The following ERO1A variants were observed in gnomAD, a reference collection of about 807,000 sequenced individuals.
ERO1A encodes endoplasmic reticulum oxidoreductase 1 alpha.
In ERO1A, 49 loss-of-function variants were observed where a neutral mutation model predicts 76.9. The ratio of observed to expected loss-of-function variants is 0.64; its 90% CI spans 0.51 to 0.81. The LOEUF is 0.81. Among genes scored for constraint, ERO1A ranks in the 30% least tolerant of loss-of-function variants. The pLI, the probability that ERO1A is intolerant of heterozygous loss-of-function variation, is 0.00. For missense variants in ERO1A, 448 were observed against 542.1 expected, an observed-to-expected ratio of 0.83 and a Z score of 1.72; for synonymous variants, 174 against 181.2, an observed-to-expected ratio of 0.96 and a Z score of 0.32.
chr14:52,677,064 T>C (rs1272186084), intron 4 of ERO1A, among the ~76,000 whole-genome samples: 1 of 152,172 alleles, frequency 6.6e-6, no homozygotes, highest in Admixed American at 6.6e-5. Context: ...ATTTACTTCT[T>C]GTTGCTTTAT....
intron 1 of ERO1A, among the ~76,000 whole-genome samples, chr14:52,690,871 A>C (rs1028490606): frequency 2.0e-5 from 3 of 152,072 alleles, no homozygotes; most frequent in Non-Finnish European, 4.4e-5. Flanking sequence ...GGATTCAAGC[A>C]ATTCTCCTGC....
At chr14:52,655,157 G>A (rs1052608206) in intron 11 of ERO1A, among the ~76,000 whole-genome samples, 1 of 152,056 alleles carries the variant, frequency 6.6e-6, no homozygotes, top group Non-Finnish European at 1.5e-5. Context: ...ACGAGGTCAG[G>A]AGTTTGAGAC....
Position 52,647,599 on chromosome 14 carries a change from G to T in ERO1A, c.1126-1138C>A, listed in dbSNP as rs958107039. On this transcript the variant is annotated intron_variant, in intron 13 of 15. Transcript: ENST00000395686. ...CATATGTATACATCCATGAACCCTAGAATATTATATCATTTATAATAGGGC... is the reference window on the plus strand; with the variant it reads ...CATATGTATACATCCATGAACCCTATAATATTATATCATTTATAATAGGGC... Among the ~76,000 whole-genome samples the T allele has an allele frequency of 6.9e-4, 105 of 151,824 alleles. 1 individual carries two copies. Among genetic ancestry groups the T allele is most frequent in the African/African-American group, 2.4e-3 (98 of 41,348 alleles).
chr14:52,640,184 TAAAAC>T lies in ERO1A; in HGVS notation c.*3381_*3385del, dbSNP rs924069083. On this transcript the variant is annotated 3_prime_UTR_variant, in exon 16 of 16. Coordinates refer to ENST00000395686, the MANE Select transcript of ERO1A (RefSeq NM_014584.3). ...CATTCTAGTAAAGACTTTTGAAAAA[TAAAAC>T]AATACAGTACGATTTAAGTGACATA... The T allele has an allele frequency of 1.3e-5, 2 of 152,122 alleles. No homozygotes were observed. The highest frequency in any genetic ancestry group is 2.9e-5 in the Non-Finnish European group (2 of 68,024). 9.4% of individuals were successfully genotyped at this position (152,122 alleles called of 1,614,324 possible).
intron 4 of ERO1A, among the ~76,000 whole-genome samples, chr14:52,675,426 G>A (rs1261754250): frequency 6.6e-6 from 1 of 151,266 alleles, no homozygotes; most frequent in Non-Finnish European, 1.5e-5. Flanking sequence ...ACGGGTATAA[G>A]AATGTTCAAG....
rs554271086 is a variant in ERO1A at position 52,691,204 on chromosome 14, CAT to C, written c.114+4162_114+4163del. On this transcript the variant is annotated intron_variant, in intron 1 of 15. Coordinates refer to ENST00000395686, the MANE Select transcript of ERO1A (RefSeq NM_014584.3). ...GTGTTTTATCACCATAAAAAAATAA[CAT>C]AAAAAGTACTCATCTGTTGACAGAA... Among the ~76,000 whole-genome samples the C allele has an allele frequency of 5.8e-4, 89 of 152,196 alleles. 1 individual carries two copies. The highest frequency in any genetic ancestry group is 1.0e-3 in the Non-Finnish European group (68 of 67,986).
intron 9 of ERO1A, chr14:52,658,474 C>T (rs1345614276): frequency 4.7e-6 from 1 of 212,538 alleles, no homozygotes; most frequent in African/African-American, 2.3e-5. Context: ...GGGAAAATAC[C>T]TAGCCTTGAT....
chr14:52,657,731 G>A (rs959207583), intron 11 of ERO1A, among the ~76,000 whole-genome samples, 186 bp downstream of exon 11: 2 of 152,206 alleles, frequency 1.3e-5, no homozygotes, highest in Non-Finnish European at 2.9e-5. Context: ...AGAGAGCTAA[G>A]AGTATGTTAA....
At chr14:52,644,133 C>G (rs2139612738) in intron 15 of ERO1A, among the ~76,000 whole-genome samples, 1 of 152,086 alleles carries the variant, frequency 6.6e-6, no homozygotes, top group East Asian at 1.9e-4. Context: ...TAGCCAGATC[C>G]TATCTCTAAA....
At chr14:52,658,175 A>G in intron 9 of ERO1A, 25 bp from the exon 10 acceptor site, 1 of 1,464,338 alleles carries the variant, frequency 6.8e-7, no homozygotes, top group Middle Eastern at 2.1e-4. Flanking sequence ...AAAATAAGTC[A>G]TAAGAATAGA....
intron 1 of ERO1A, among the ~76,000 whole-genome samples, chr14:52,684,201 G>A (rs991256414): frequency 5.3e-5 from 8 of 150,986 alleles, no homozygotes; most frequent in African/African-American, 2.0e-4. Flanking sequence ...TGCCCTCCAG[G>A]CCATAGTTGA....
At chr14:52,661,884 T>C (rs1272967254) in intron 8 of ERO1A, among the ~76,000 whole-genome samples, 3 of 151,902 alleles carry the variant, frequency 2.0e-5, no homozygotes, top group Non-Finnish European at 4.4e-5. Flanking sequence ...CATCGGTTTA[T>C]TAAAGAAATA....
chr14:52,668,819 CTATAAT>C (rs1223929160), intron 6 of ERO1A, among the ~76,000 whole-genome samples: 1 of 148,150 alleles, frequency 6.7e-6, no homozygotes, highest in South Asian at 2.1e-4. Flanking sequence ...TGAAGTAATA[CTATAAT>C]TATATTAAAT....
intron 13 of ERO1A, among the ~76,000 whole-genome samples, chr14:52,650,640 T>G (rs2039828137): frequency 6.6e-6 from 1 of 152,044 alleles, no homozygotes; most frequent in Admixed American, 6.6e-5. Context: ...AGTATGGAGG[T>G]CCACCTGCCT....
chr14:52,652,522 TA>T, intron 12 of ERO1A, among the ~76,000 whole-genome samples: 1 of 152,194 alleles, frequency 6.6e-6, no homozygotes, highest in Non-Finnish European at 1.5e-5. Flanking sequence ...TTTGTTCAAA[TA>T]AACATGAAAA....
At chr14:52,653,384 A>G in intron 11 of ERO1A, 69 bp from the exon 12 acceptor site, 2 of 1,239,442 alleles carry the variant, frequency 1.6e-6, no homozygotes, top group Middle Eastern at 2.4e-4. Flanking sequence ...ATATTAGGTT[A>G]TTCATGCCTA....
chr14:52,695,268 G>T (rs1217140909), intron 1 of ERO1A, 100 bp downstream of exon 1: 3 of 747,102 alleles, frequency 4.0e-6, no homozygotes, highest in Non-Finnish European at 5.6e-6. Context: ...GGGAAGAGAT[G>T]CAAGGACGCA....
At position 52,643,584 on chromosome 14, in the gene ERO1A, G is replaced by T; in HGVS notation, c.1393C>A (p.Gln465Lys). Residue 465 changes from glutamine (Q) to lysine (K), a missense_variant, in exon 16 of 16, where the codon CAG becomes AAG. By Grantham distance (53) the Gln-to-Lys change is moderately conservative (BLOSUM62 1). Coordinates refer to ENST00000395686, the MANE Select transcript of ERO1A (RefSeq NM_014584.3). Reference protein sequence around the residue: ...KELENFRNLLQNIH With the variant: ...KELENFRNLLKNIH ...GCTTGTTTTCTTTAATGAATATTCT[G>T]TAACAAGTTCCTGAAGTTTTCTAAT... The T allele has an allele frequency of 2.0e-6, 3 of 1,479,306 alleles. No homozygotes were observed. Among genetic ancestry groups the T allele is most frequent in the Non-Finnish European group, 2.7e-6 (3 of 1,120,698 alleles). The allele number at this position is 1,479,306 out of a possible 1,614,324, so 91.6% of individuals were successfully genotyped here. A position where few individuals can be genotyped will look rare whatever the true frequency, so the allele number is the denominator to read the frequency against.
At chr14:52,677,864 TA>T (rs71267893) in intron 4 of ERO1A, among the ~76,000 whole-genome samples, 12,512 of 87,002 alleles carry the variant, frequency 0.14, 729 homozygotes, top group South Asian at 0.22. Context: ...CCTTTTATCT[TA>T]AAAAAAAAAA....
Sources: allele counts gnomAD v4.1 joint callset (sites outside exome capture counted in the v4.1 genomes callset), GRCh38; gene constraint gnomAD v4.1.1; transcripts MANE v1.5; gene names NCBI Gene and HGNC (gene_info 2026-07-23, HGNC 2026-07-21).